Variants in CWF19L1 observed in about 807,000 individuals in gnomAD.
The protein encoded by CWF19L1 is CWF19-like protein 1.
CWF19L1 carries 60 observed loss-of-function variants against 69.7 expected under a neutral mutation model. The ratio of observed to expected loss-of-function variants is 0.86; its 90% CI spans 0.70 to 1.07. CWF19L1 has a LOEUF of 1.07. Among genes scored for constraint, CWF19L1 ranks in the 50% least tolerant of loss-of-function variants. CWF19L1 has a pLI of 0.00. For missense variants in CWF19L1, 591 were observed against 638.9 expected (o/e 0.92, Z 0.81); for synonymous variants, 209 against 222.2 (o/e 0.94, Z 0.53).
At chr10:100,236,351 C>T (rs1011727044) in intron 12 of CWF19L1, among the ~76,000 whole-genome samples, 6 of 152,072 alleles carry the variant, frequency 3.9e-5, no homozygotes, top group African/African-American at 1.4e-4. Flanking sequence ...TCAAGTGCTC[C>T]TCCCGCCTCA....
intron 10 of CWF19L1, 36 bp from the exon 11 acceptor site, chr10:100,238,267 C>G: frequency 3.8e-6 from 6 of 1,589,994 alleles, no homozygotes; most frequent in Middle Eastern, 1.7e-4. Context: ...GACATCAATA[C>G]AGCATGTAGG....
rs367898121 is a variant in CWF19L1, at chr10:100,235,751, C to T, written c.1388G>A (p.Gly463Glu). The change falls in exon 13 of 14, where the codon GGA becomes GAA. Residue 463 changes from glycine to glutamate, a missense_variant. Gly to Glu is a moderately conservative substitution (Grantham distance 98, BLOSUM62 -2). Around this residue, in one of 3 missense-constraint regions of CWF19L1, gnomAD observed 458 missense variants for 489.3 expected, o/e 0.94. Transcript: ENST00000354105. ...AAGTTCAACATAAAAATATGCTGCT[C>T]CTGGCTGTGCAATCTAAAGTAAACA... ...HSDIKQIAQP[G>E]AAYFYVELDT... 1 of 1,610,508 alleles carries T rather than the reference C, an allele frequency of 6.2e-7. No homozygotes were observed.
Position 100,262,050 on chromosome 10 carries a change from C to G in CWF19L1, c.37G>C (p.Asp13His), listed in dbSNP as rs769036891. The part of the protein sequence containing the change: ...QKPLRLLACG[D>H]VEGKFDILFN... ...AAAATATCAAACTTTCCTTCAACAT[C>G]TCCACAAGCCAAGCTGCAAACAAAG... Residue 13 changes from aspartate (D) to histidine (H), a missense_variant, in exon 2 of 14, where the codon GAT becomes CAT. Physicochemically the swap from Asp to His is moderately conservative, Grantham distance 81. Around this residue, in one of 3 missense-constraint regions of CWF19L1, gnomAD observed 129 missense variants for 131.3 expected, o/e 0.98. Coordinates refer to ENST00000354105, the MANE Select transcript of CWF19L1 (RefSeq NM_018294.6). The G allele has an allele frequency of 1.2e-5, 19 of 1,610,004 alleles. No homozygotes were observed. Among genetic ancestry groups the G allele is most frequent in the Non-Finnish European group, 1.6e-5 (19 of 1,179,066 alleles).
chr10:100,242,775 G>A (rs988921629), intron 10 of CWF19L1, among the ~76,000 whole-genome samples: 1 of 151,528 alleles, frequency 6.6e-6, no homozygotes, highest in Non-Finnish European at 1.5e-5. Flanking sequence ...ATAAGCAACA[G>A]AAGACTGCCT....
intron 4 of CWF19L1, among the ~76,000 whole-genome samples, chr10:100,259,882 A>G (rs1320605511): frequency 6.6e-6 from 1 of 152,110 alleles, no homozygotes; most frequent in East Asian, 1.9e-4. Flanking sequence ...TACAACAAAT[A>G]TCGGCCAGGC....
Position 100,233,215 on chromosome 10 carries a change from C to A in CWF19L1, c.*12G>T. ...CTTCCTGTGGAGTTCATAAAAAGTT[C>A]TTCCCTTTGTTTTAGTCATCCAGAG... On this transcript the variant is annotated 3_prime_UTR_variant, in exon 14 of 14. Coordinates refer to ENST00000354105, the MANE Select transcript of CWF19L1 (RefSeq NM_018294.6). 3 of 1,584,894 alleles carry A rather than the reference C, an allele frequency of 1.9e-6. No individual in the cohort carries two copies. The highest frequency in any genetic ancestry group is 2.6e-6 in the Non-Finnish European group (3 of 1,166,152).
chr10:100,245,743 A>G, intron 9 of CWF19L1, 56 bp downstream of exon 9: 2 of 1,396,212 alleles, frequency 1.4e-6, no homozygotes, highest in Non-Finnish European at 2.0e-6. Context: ...TTCCAAAGAA[A>G]AGCCAAAATA....
intron 8 of CWF19L1, 78 bp from the exon 9 acceptor site, chr10:100,245,991 G>C (rs1846808304): frequency 9.9e-7 from 1 of 1,012,086 alleles, no homozygotes; most frequent in Non-Finnish European, 1.5e-6. Context: ...ACATACAAGG[G>C]AACATTCCTG....
chr10:100,244,090 A>G lies in CWF19L1; in HGVS notation c.965-313T>C, dbSNP rs79906279. The stretch of plus-strand genomic sequence containing the variant: ...ACTGAACTGGGTGTCAGGAGCCCCA[A>G]TTAAAGCCCCAGCTATGCCATTAGC... On this transcript the variant is annotated intron_variant, in intron 9 of 13. Coordinates refer to ENST00000354105, the MANE Select transcript of CWF19L1 (RefSeq NM_018294.6). Among the ~76,000 whole-genome samples the G allele has an allele frequency of 3.5e-3, 537 of 152,344 alleles. 26 individuals are homozygous for G. In the East Asian group the frequency reaches 0.092, roughly 26 times the overall value.
chr10:100,266,691 T>TG (rs893665375), intron 1 of CWF19L1, among the ~76,000 whole-genome samples: 4 of 146,584 alleles, frequency 2.7e-5, no homozygotes, highest in African/African-American at 1.0e-4. Context: ...AATTTTTTTT[T>TG]TTTGTATTAG....
chr10:100,253,089 T>C (rs116065379), intron 6 of CWF19L1, among the ~76,000 whole-genome samples: 5 of 152,156 alleles, frequency 3.3e-5, no homozygotes, highest in African/African-American at 1.2e-4. Context: ...GCGTAGTCAT[T>C]GCACACTATA....
intron 1 of CWF19L1, among the ~76,000 whole-genome samples, chr10:100,266,468 C>T (rs1157158437): frequency 6.6e-6 from 1 of 151,902 alleles, no homozygotes; most frequent in African/African-American, 2.4e-5. Flanking sequence ...GGATTATAGG[C>T]GTGAGCCACT....
rs1176709989 is a variant in CWF19L1 at position 100,251,154 on chromosome 10, G to A, written c.624-822C>T. Among the ~76,000 whole-genome samples the A allele has an allele frequency of 2.0e-5, 3 of 152,060 alleles. No individual in the cohort carries two copies. In the East Asian group the frequency reaches 5.8e-4, roughly 29 times the overall value. ...GACATTTGGGTTGTTTGCATTTTGA[G>A]CTATTATGAATAATGCTATTATGAT... On this transcript the variant is annotated intron_variant, in intron 6 of 13. Transcript: ENST00000354105.
intron 1 of CWF19L1, among the ~76,000 whole-genome samples, chr10:100,264,024 T>C (rs1847488778): frequency 6.6e-6 from 1 of 152,198 alleles, no homozygotes; most frequent in African/African-American, 2.4e-5. Context: ...ACCACATATG[T>C]AATGGTGGTC....
intron 4 of CWF19L1, among the ~76,000 whole-genome samples, chr10:100,259,064 GGTA>G (rs1232764143): frequency 1.3e-5 from 2 of 151,922 alleles, no homozygotes; most frequent in African/African-American, 4.8e-5. Flanking sequence ...AGCTGGGTAT[GGTA>G]GTGCGTGCCT....
intron 13 of CWF19L1, 89 bp from the exon 14 acceptor site, chr10:100,233,460 G>A: frequency 7.2e-7 from 1 of 1,383,376 alleles, no homozygotes; most frequent in Non-Finnish European, 9.8e-7. Context: ...AAATTTCTCT[G>A]ACTTTGCTCT....
chr10:100,256,554 A>G (rs1847220224), intron 4 of CWF19L1, 78 bp from the exon 5 acceptor site: 4 of 1,098,412 alleles, frequency 3.6e-6, no homozygotes, highest in South Asian at 1.3e-5. Flanking sequence ...TGAATCTCCC[A>G]TGACTCTCCT....
intron 7 of CWF19L1, among the ~76,000 whole-genome samples, chr10:100,249,787 T>C (rs1201407231): frequency 6.6e-6 from 1 of 152,194 alleles, no homozygotes; most frequent in African/African-American, 2.4e-5. Context: ...GGTTTCACCA[T>C]GTTGGCCAGG....
intron 13 of CWF19L1, among the ~76,000 whole-genome samples, chr10:100,235,013 GCCAGGTA>G (rs1460382916): frequency 6.6e-5 from 10 of 152,114 alleles, no homozygotes. Flanking sequence ...GTAACCATTA[GCCAGGTA>G]TGGCTATTTA....
Sources: gnomAD v4.1 joint callset for allele counts (sites outside exome capture counted in the v4.1 genomes callset) on GRCh38, gnomAD v4.1.1 for gene constraint, gnomAD v4.1.1 regional missense constraint, MANE v1.5 for transcripts, NCBI Gene and HGNC (gene_info 2026-07-23, HGNC 2026-07-21) for gene names.